The following CIT variants were observed in gnomAD, a reference collection of about 807,000 sequenced individuals.
The protein encoded by CIT is citron rho-interacting serine/threonine kinase.
In CIT, 79 loss-of-function variants were observed where a neutral mutation model predicts 272.7. That is an observed-to-expected ratio of 0.29 (90% CI 0.24 to 0.35). The LOEUF (loss-of-function observed/expected upper bound fraction) is 0.35. CIT is among the 10% of genes least tolerant of loss of function. CIT has a pLI of 1.00. For missense variants in CIT, 1,909 were observed against 2,618.3 expected, an observed-to-expected ratio of 0.73 and a Z score of 5.91; for synonymous variants, 948 against 995.6, an observed-to-expected ratio of 0.95 and a Z score of 0.90.
intron 44 of CIT, 187 bp from the exon 45 acceptor site, chr12:119,698,241 C>T: frequency 1.6e-6 from 1 of 629,492 alleles, no homozygotes; most frequent in Non-Finnish European, 2.9e-6. Flanking sequence ...TGGTTTGTTA[C>T]AGCAGAAGAT....
At chr12:119,747,792 A>G (rs1054773566) in intron 23 of CIT, among the ~76,000 whole-genome samples, 1 of 152,236 alleles carries the variant, frequency 6.6e-6, no homozygotes, top group Admixed American at 6.5e-5. Context: ...TTAAAATAAC[A>G]CTAACATTGC....
At chr12:119,813,370 C>T (rs1452185203) in intron 9 of CIT, among the ~76,000 whole-genome samples, 1 of 152,150 alleles carries the variant, frequency 6.6e-6, no homozygotes. Context: ...CAGTCATGAA[C>T]CACCTGGGCC....
intron 27 of CIT, among the ~76,000 whole-genome samples, chr12:119,729,602 A>G (rs1361190089): frequency 2.0e-5 from 3 of 152,224 alleles, no homozygotes; most frequent in Non-Finnish European, 4.4e-5. Flanking sequence ...AAAAATACAT[A>G]CGTATGTCTA....
intron 28 of CIT, among the ~76,000 whole-genome samples, chr12:119,726,844 G>C (rs1417348970): frequency 6.6e-6 from 1 of 152,186 alleles, no homozygotes; most frequent in African/African-American, 2.4e-5. Flanking sequence ...GCCGTTCTCA[G>C]AGTTCTGTGA....
At chr12:119,762,699 A>G (rs1331538190) in intron 19 of CIT, among the ~76,000 whole-genome samples, 1 of 152,194 alleles carries the variant, frequency 6.6e-6, no homozygotes, top group Non-Finnish European at 1.5e-5. Context: ...AAGGATACCA[A>G]TAAGAGGTAA....
chr12:119,704,259 C>T, intron 41 of CIT, 104 bp downstream of exon 41: 1 of 1,062,878 alleles, frequency 9.4e-7, no homozygotes, highest in Non-Finnish European at 1.4e-6. Context: ...GTAGAAGGAA[C>T]CCAGTACAGG....
At chr12:119,840,485 A>G (rs555414798) in intron 5 of CIT, among the ~76,000 whole-genome samples, 2 of 150,848 alleles carry the variant, frequency 1.3e-5, no homozygotes, top group South Asian at 2.1e-4. Flanking sequence ...ACACCAGAAT[A>G]AAAAAAAACA....
intron 2 of CIT, among the ~76,000 whole-genome samples, 158 bp downstream of exon 2, chr12:119,875,915 G>C (rs1408926815): frequency 6.6e-6 from 1 of 152,198 alleles, no homozygotes; most frequent in African/African-American, 2.4e-5. Context: ...TTGAACCCAG[G>C]AGGCGGAGGT....
At chr12:119,837,093 C>T (rs1403632538) in intron 5 of CIT, among the ~76,000 whole-genome samples, 1 of 152,202 alleles carries the variant, frequency 6.6e-6, no homozygotes, top group African/African-American at 2.4e-5. Context: ...CAATGACAAA[C>T]CTCTAAATAG....
intron 28 of CIT, among the ~76,000 whole-genome samples, chr12:119,722,415 C>T (rs369391029): frequency 1.3e-4 from 20 of 152,334 alleles, no homozygotes; most frequent in African/African-American, 4.6e-4. Context: ...CCCCCAAACT[C>T]CTCCATCCCA....
intron 16 of CIT, among the ~76,000 whole-genome samples, chr12:119,773,710 G>A (rs1041132277): frequency 7.2e-5 from 11 of 152,316 alleles, no homozygotes; most frequent in Admixed American, 2.0e-4. Flanking sequence ...TTACAGGCGT[G>A]AGCCACCATG....
At chr12:119,777,872 T>C (rs1963928708) in intron 13 of CIT, among the ~76,000 whole-genome samples, 3 of 152,326 alleles carry the variant, frequency 2.0e-5, no homozygotes, top group South Asian at 4.1e-4. Context: ...TAATCATTTA[T>C]ATAGACTTGT....
At position 119,717,838 on chromosome 12, in the gene CIT, C is replaced by CTTTTTTTTTTTTTT. The variant is rs10699099; in HGVS notation, c.4168+393_4168+406dup. Among the ~76,000 whole-genome samples, 87 of 81,340 alleles carry CTTTTTTTTTTTTTT rather than the reference C, an allele frequency of 1.1e-3. 15 individuals carry two copies. The highest frequency in any genetic ancestry group is 2.4e-3 in the African/African-American group (49 of 20,216). The allele number at this position is 81,340 out of a possible 152,430, so 53.4% of individuals were successfully genotyped here. A position where few individuals can be genotyped will look rare whatever the true frequency, so the allele number is the denominator to read the frequency against. ...GGGGAGCCAGGAGACTGACTTCTTT[C>CTTTTTTTTTTTTTT]TTTTTTTTTTTTTTTTTTTTGAGAT... is the stretch of plus-strand genomic sequence containing the variant. On this transcript the variant is annotated intron_variant, in intron 32 of 47. Coordinates refer to ENST00000392521, the MANE Select transcript of CIT (RefSeq NM_001206999.2).
At chr12:119,745,397 A>C (rs1051430890) in intron 23 of CIT, among the ~76,000 whole-genome samples, 1 of 145,946 alleles carries the variant, frequency 6.9e-6, no homozygotes, top group Non-Finnish European at 1.5e-5. Context: ...AAAAAAAAAA[A>C]ACACCTGTCC....
intron 9 of CIT, among the ~76,000 whole-genome samples, chr12:119,805,806 T>C (rs959395393): frequency 2.6e-5 from 4 of 151,958 alleles, no homozygotes; most frequent in African/African-American, 7.3e-5. Flanking sequence ...GCGGTTAAGA[T>C]TAGAAAAAGG....
In CIT at chr12:119,718,846, G is replaced by A. The variant is rs149954717; in HGVS notation, c.3856C>T (p.Arg1286Trp). ...AKKKKGLFSR[R>W]KEDPALPTQV... The stretch of plus-strand genomic sequence containing the variant: ...GTGGGTAAAGCAGGGTCCTCTTTCC[G>A]TCGACTAAATAAACCCTAGCAATGG... Residue 1286 changes from arginine (R) to tryptophan (W), a missense_variant, in exon 31 of 48, where the codon CGG becomes TGG. Coordinates refer to ENST00000392521, the MANE Select transcript of CIT (RefSeq NM_001206999.2). The surrounding 1 kb of genome is among the most constrained non-coding windows in gnomAD (Gnocchi z 4.8). The A allele has an allele frequency of 1.4e-5, 23 of 1,613,936 alleles. No homozygotes were observed. The highest frequency in any genetic ancestry group is 9.9e-5 in the South Asian group (9 of 91,084).
chr12:119,773,197 T>C (rs1472889362), intron 16 of CIT, among the ~76,000 whole-genome samples: 1 of 152,176 alleles, frequency 6.6e-6, no homozygotes, highest in Non-Finnish European at 1.5e-5. Flanking sequence ...TGCATTTTTC[T>C]TTCTTGGGGT....
intron 26 of CIT, among the ~76,000 whole-genome samples, chr12:119,732,952 T>C (rs371702502): frequency 4.6e-5 from 7 of 152,246 alleles, no homozygotes; most frequent in African/African-American, 1.7e-4. Context: ...CCCGTCCTTC[T>C]AGACCATTTC....
At chr12:119,830,437 C>A (rs1412600015) in intron 7 of CIT, among the ~76,000 whole-genome samples, 2 of 152,014 alleles carry the variant, frequency 1.3e-5, no homozygotes, top group African/African-American at 4.8e-5. Context: ...TGACCCCAGA[C>A]ACAGAGATAG....
Sources: gnomAD v4.1 joint callset for allele counts (sites outside exome capture counted in the v4.1 genomes callset) on GRCh38, gnomAD v4.1.1 for gene constraint, Gnocchi (gnomAD v3.1) non-coding constraint, MANE v1.5 for transcripts, NCBI Gene and HGNC (gene_info 2026-07-23, HGNC 2026-07-21) for gene names.